The following FAM107B variants were observed in gnomAD, a reference collection of about 807,000 sequenced individuals.
FAM107B encodes the protein protein FAM107B.
In FAM107B, 21 loss-of-function variants were observed where a neutral mutation model predicts 31.5. The ratio of observed to expected loss-of-function variants is 0.67; its 90% CI spans 0.47 to 0.96. The LOEUF (loss-of-function observed/expected upper bound fraction) is 0.96, where lower values mean the gene tolerates loss of function less well. Ranked by LOEUF, FAM107B falls within the 40% of genes least tolerant of loss-of-function variation. The pLI, the probability that FAM107B is intolerant of heterozygous loss-of-function variation, is 0.00. For synonymous variants in FAM107B, 157 were observed against 141.5 expected (o/e 1.11, Z -0.78); for missense variants, 452 against 377.1 (o/e 1.20, Z -1.64).
At chr10:14,658,112 C>T (rs1408144738) in intron 2 of FAM107B, among the ~76,000 whole-genome samples, 1 of 152,134 alleles carries the variant, frequency 6.6e-6, no homozygotes, top group African/African-American at 2.4e-5. Flanking sequence ...CCTGGCTAAC[C>T]TTCATTTCTT....
intron 2 of FAM107B, chr10:14,553,313 C>G (rs1849426081): frequency 8.0e-7 from 1 of 1,251,642 alleles, no homozygotes. Context: ...TAAATTTCCC[C>G]ACACTTACTA....
intron 2 of FAM107B, among the ~76,000 whole-genome samples, chr10:14,609,168 T>C (rs1274364447): frequency 5.9e-5 from 9 of 152,222 alleles, no homozygotes; most frequent in African/African-American, 1.4e-4. Flanking sequence ...CTAAGGTGCA[T>C]TGGGTTCTAA....
intron 1 of FAM107B, among the ~76,000 whole-genome samples, chr10:14,769,889 T>C (rs116140044): frequency 2.5e-3 from 380 of 152,296 alleles, no homozygotes; most frequent in African/African-American, 8.5e-3. Context: ...TCACACTGCG[T>C]ACATCACTGG....
intron 2 of FAM107B, among the ~76,000 whole-genome samples, chr10:14,657,573 A>G (rs1036679793): frequency 3.9e-5 from 6 of 152,200 alleles, no homozygotes; most frequent in Admixed American, 3.9e-4. Flanking sequence ...CCACAGACTT[A>G]GCATGTGGAA....
chr10:14,661,635 T>C (rs1854243444), intron 2 of FAM107B: 3 of 152,174 alleles, frequency 2.0e-5, no homozygotes, highest in Admixed American at 2.0e-4. Context: ...TCGTGGGATT[T>C]TTCAGCCTCC....
chr10:14,570,661 G>C (rs969733412), intron 2 of FAM107B, among the ~76,000 whole-genome samples: 25 of 152,112 alleles, frequency 1.6e-4, no homozygotes, highest in Admixed American at 1.3e-3. Context: ...AATCAGCTGG[G>C]CATGGTGGCG....
At chr10:14,726,383 G>T (rs566483996) in intron 1 of FAM107B, among the ~76,000 whole-genome samples, 1 of 152,146 alleles carries the variant, frequency 6.6e-6, no homozygotes, top group Non-Finnish European at 1.5e-5. Flanking sequence ...TGTTATTTGT[G>T]TGCCTGCCTC....
intron 1 of FAM107B, among the ~76,000 whole-genome samples, chr10:14,750,074 A>G (rs1832797447): frequency 6.6e-6 from 1 of 152,152 alleles, no homozygotes; most frequent in Non-Finnish European, 1.5e-5. Context: ...CCAGGAAAAA[A>G]TCACCCTGGG....
intron 1 of FAM107B, among the ~76,000 whole-genome samples, chr10:14,767,800 G>C (rs1019001234): frequency 6.6e-6 from 1 of 152,142 alleles, no homozygotes; most frequent in Non-Finnish European, 1.5e-5. Flanking sequence ...ATTCAATGCA[G>C]TATTGTAAGT....
At chr10:14,618,351 C>A (rs1007767476) in intron 2 of FAM107B, among the ~76,000 whole-genome samples, 1 of 152,038 alleles carries the variant, frequency 6.6e-6, no homozygotes, top group Non-Finnish European at 1.5e-5. Context: ...TGAATAAAGC[C>A]GTTATAAACA....
intron 2 of FAM107B, among the ~76,000 whole-genome samples, chr10:14,624,710 C>A (rs1191032244): frequency 6.6e-6 from 1 of 152,122 alleles, no homozygotes; most frequent in African/African-American, 2.4e-5. Flanking sequence ...TTGAGCATAA[C>A]AAGCTGCACT....
chr10:14,718,588 CAG>C (rs1476276799), intron 1 of FAM107B, among the ~76,000 whole-genome samples: 2 of 151,774 alleles, frequency 1.3e-5, no homozygotes, highest in African/African-American at 4.8e-5. Flanking sequence ...GACCTCACAG[CAG>C]AGTCAATAAC....
At chr10:14,712,378 G>A (rs1855669984) in intron 1 of FAM107B, among the ~76,000 whole-genome samples, 1 of 152,008 alleles carries the variant, frequency 6.6e-6, no homozygotes, top group Non-Finnish European at 1.5e-5. Flanking sequence ...ATCATTTGAG[G>A]TTGGCAGTTC....
chr10:14,545,957 G>A (rs983525612), intron 2 of FAM107B, among the ~76,000 whole-genome samples: 1 of 152,188 alleles, frequency 6.6e-6, no homozygotes, highest in Admixed American at 6.5e-5. Flanking sequence ...AAAATACACA[G>A]ACCACGAAAA....
chr10:14,675,345 G>C (rs538678031), intron 1 of FAM107B, among the ~76,000 whole-genome samples: 11 of 152,106 alleles, frequency 7.2e-5, no homozygotes, highest in Non-Finnish European at 1.5e-4. Flanking sequence ...TCATTTGTCT[G>C]GTGGATAGGT....
At chr10:14,611,467 C>T (rs944944279) in intron 2 of FAM107B, among the ~76,000 whole-genome samples, 2 of 138,630 alleles carry the variant, frequency 1.4e-5, no homozygotes, top group African/African-American at 5.4e-5. Flanking sequence ...TTATTAATAA[C>T]TAGTTGAATG....
chr10:14,597,197 A>C (rs1459085113), intron 2 of FAM107B, among the ~76,000 whole-genome samples: 6 of 152,216 alleles, frequency 3.9e-5, no homozygotes, highest in African/African-American at 1.4e-4. Context: ...TGGCATTCTC[A>C]ACTTCCTCCA....
intron 2 of FAM107B, among the ~76,000 whole-genome samples, chr10:14,614,379 A>T (rs557639006): frequency 3.3e-5 from 5 of 152,116 alleles, no homozygotes; most frequent in Non-Finnish European, 7.4e-5. Flanking sequence ...CTGGCAAAAG[A>T]GACAGAGAAG....
At chr10:14,699,566 A>C (rs1855347640) in intron 1 of FAM107B, among the ~76,000 whole-genome samples, 1 of 152,214 alleles carries the variant, frequency 6.6e-6, no homozygotes, top group African/African-American at 2.4e-5. Context: ...TCAAGCCCGC[A>C]ATGAATCGGA....
Sources: allele counts gnomAD v4.1 joint callset (sites outside exome capture counted in the v4.1 genomes callset), GRCh38; gene constraint gnomAD v4.1.1; transcripts MANE v1.5; gene names NCBI Gene and HGNC (gene_info 2026-07-23, HGNC 2026-07-21).